SLC22A23: variants seen among roughly 807,000 people sequenced by gnomAD.
SLC22A23 encodes the protein solute carrier family 22 member 23.
Under a neutral mutation model 61.0 loss-of-function variants are expected in SLC22A23, and 26 were observed. The observed-to-expected ratio is 0.43, with a 90% CI of 0.31 to 0.59. SLC22A23 has a LOEUF of 0.59. SLC22A23 is among the 20% of genes least tolerant of loss of function. SLC22A23 has a pLI of 0.11. For missense variants in SLC22A23, 796 were observed against 934.7 expected (o/e 0.85, Z 1.94); for synonymous variants, 430 against 413.9 (o/e 1.04, Z -0.47).
intron 3 of SLC22A23, among the ~76,000 whole-genome samples, chr6:3,365,816 C>T (rs565899769): frequency 2.0e-5 from 3 of 152,126 alleles, no homozygotes; most frequent in Non-Finnish European, 2.9e-5. Context: ...CTTAAGTCTA[C>T]TGGAAACAGC....
chr6:3,291,782 A>G (rs1359401745), intron 5 of SLC22A23: 1 of 152,258 alleles, frequency 6.6e-6, no homozygotes, highest in Admixed American at 6.5e-5. Flanking sequence ...TGTAATAGCT[A>G]CGTTTTCTCA....
chr6:3,378,511 T>C (rs932754696), intron 3 of SLC22A23, among the ~76,000 whole-genome samples: 2 of 152,186 alleles, frequency 1.3e-5, no homozygotes, highest in African/African-American at 4.8e-5. Flanking sequence ...GTGGTTCTTA[T>C]CTGTCGACTG....
intron 4 of SLC22A23, among the ~76,000 whole-genome samples, chr6:3,319,295 A>G (rs1259376068): frequency 6.6e-6 from 1 of 152,164 alleles, no homozygotes; most frequent in Non-Finnish European, 1.5e-5. Flanking sequence ...AGCAGAAGCC[A>G]ACTTTTGCCT....
Position 3,331,650 on chromosome 6 carries a change from A to G in SLC22A23, c.914-7648T>C, listed in dbSNP as rs7763032. ...TTTTTTCTTTAAAACTAACATTATA[A>G]TGACTCAAATGAGGAACAGGGATTT... On this transcript the variant is annotated intron_variant, in intron 3 of 9. Transcript: ENST00000406686. Among the ~76,000 whole-genome samples the G allele has an allele frequency of 7.3e-3, 1,113 of 152,374 alleles. 12 individuals are homozygous for G. The highest frequency in any genetic ancestry group is 0.025 in the African/African-American group (1,053 of 41,594).
chr6:3,377,264 G>C (rs931084717), intron 3 of SLC22A23, among the ~76,000 whole-genome samples: 25 of 152,218 alleles, frequency 1.6e-4, no homozygotes, highest in African/African-American at 5.5e-4. Context: ...AAAGTTTGCT[G>C]AGCCCTAGTC....
In SLC22A23 at chr6:3,327,583, C is replaced by T. The variant is rs1386365180; in HGVS notation, c.914-3581G>A. 6.6e-6 allele frequency among the ~76,000 whole-genome samples: 1 copy of T among 152,214 alleles called. No homozygotes were observed. Among genetic ancestry groups the T allele is most frequent in the Non-Finnish European group, 1.5e-5 (1 of 68,042 alleles). ...CCAAGTTCAAATCCTGCTCCTGGTACATAGAAGCTGTGACCTTGGTTCAGT... is the reference window on the plus strand; with the variant it reads ...CCAAGTTCAAATCCTGCTCCTGGTATATAGAAGCTGTGACCTTGGTTCAGT... On this transcript the variant is annotated intron_variant, in intron 3 of 9. Coordinates refer to ENST00000406686, the MANE Select transcript of SLC22A23 (RefSeq NM_015482.2). The surrounding 1 kb of genome is among the most constrained non-coding windows in gnomAD (Gnocchi z 4.1).
Position 3,448,198 on chromosome 6 carries a change from C to T in SLC22A23, c.654+7708G>A, listed in dbSNP as rs147188915. 4.6e-4 allele frequency among the ~76,000 whole-genome samples: 70 copies of T among 152,044 alleles called. No individual in the cohort carries two copies. In the East Asian group the frequency reaches 0.012, roughly 25 times the overall value. On this transcript the variant is annotated intron_variant, in intron 1 of 9. Coordinates refer to ENST00000406686, the MANE Select transcript of SLC22A23 (RefSeq NM_015482.2). ...GATTACAGGCGTGAGCCACCGCGCCCGGCCAAAAAAATTTTTTCAAGTGGT... is the reference window on the plus strand; with the variant it reads ...GATTACAGGCGTGAGCCACCGCGCCTGGCCAAAAAAATTTTTTCAAGTGGT...
intron 1 of SLC22A23, among the ~76,000 whole-genome samples, chr6:3,434,042 C>G (rs1300382914): frequency 6.6e-6 from 1 of 152,202 alleles, no homozygotes; most frequent in Non-Finnish European, 1.5e-5. Context: ...AAGCTGGGTA[C>G]AGTGGCTCAC....
intron 3 of SLC22A23, among the ~76,000 whole-genome samples, chr6:3,356,364 T>G (rs1452298439): frequency 1.3e-5 from 2 of 151,666 alleles, no homozygotes; most frequent in Non-Finnish European, 2.9e-5. Context: ...CCACCCTCGG[T>G]GCCTACAAGG....
At chr6:3,420,362 A>G (rs1399074916) in intron 1 of SLC22A23, among the ~76,000 whole-genome samples, 8 of 152,222 alleles carry the variant, frequency 5.3e-5, no homozygotes. Context: ...GAGTGGAGAA[A>G]CATTCATCAA....
In SLC22A23 at chr6:3,364,452, T is replaced by TA. The variant is rs141938467; in HGVS notation, c.914-40451dup. Among the ~76,000 whole-genome samples the TA allele has an allele frequency of 2.4e-3, 368 of 151,642 alleles. 8 individuals are homozygous for TA. In the East Asian group the frequency reaches 0.055, roughly 23 times the overall value. ...AGATTTTTTATATTTGTTCCCTCCT[T>TA]AAAAAAAAATTCATTCCCTTCTTTA... is the stretch of plus-strand genomic sequence containing the variant. On this transcript the variant is annotated intron_variant, in intron 3 of 9. Coordinates refer to ENST00000406686, the MANE Select transcript of SLC22A23 (RefSeq NM_015482.2).
Position 3,410,530 on chromosome 6 carries a change from C to G in SLC22A23, c.759-188G>C, listed in dbSNP as rs1769152044. On this transcript the variant is annotated intron_variant, in intron 2 of 9. Transcript: ENST00000406686. This position sits in a 1 kb window ranked among gnomAD's most constrained non-coding sequence, Gnocchi z 5.0. ...GGGTAAAAAGGGAGATTTAGCCCAA[C>G]CCCCTAATTCTCGAGATAAGGGAGC... 6.6e-6 allele frequency among the ~76,000 whole-genome samples: 1 copy of G among 152,120 alleles called. No individual in the cohort carries two copies. Among genetic ancestry groups the G allele is most frequent in the Non-Finnish European group, 1.5e-5 (1 of 68,024 alleles).
chr6:3,420,211 C>A (rs1770022437), intron 1 of SLC22A23, among the ~76,000 whole-genome samples: 2 of 143,062 alleles, frequency 1.4e-5, no homozygotes, highest in South Asian at 4.4e-4. Flanking sequence ...ACGTTAGTTG[C>A]TATGTGTTCT....
chr6:3,424,968 GAGGGGC>G (rs1005801585), intron 1 of SLC22A23, among the ~76,000 whole-genome samples: 1 of 152,194 alleles, frequency 6.6e-6, no homozygotes, highest in Admixed American at 6.5e-5. Flanking sequence ...CAGAATGAGG[GAGGGGC>G]AGAGTGTTAA....
chr6:3,456,035 G>A lies in SLC22A23; in HGVS notation c.525C>T (p.Ser175=), dbSNP rs1772386982. 6 of 1,547,820 alleles carry A rather than the reference G, an allele frequency of 3.9e-6. No individual in the cohort carries two copies. Among genetic ancestry groups the A allele is most frequent in the East Asian group, 4.9e-5 (2 of 40,942 alleles). The change falls in exon 1 of 10, where the codon AGC becomes AGT. Residue 175 remains serine, a synonymous_variant. Transcript: ENST00000406686. This position sits in a 1 kb window ranked among gnomAD's most constrained non-coding sequence, Gnocchi z 7.1. ...WEAAGNRSNS[S]GADGGDTPPL... Reference sequence around the variant, plus strand: ...GTGGTGTGTCGCCTCCGTCCGCGCCGCTGCTGTTGCTCCGGTTGCCCGCAG... The same window carrying A: ...GTGGTGTGTCGCCTCCGTCCGCGCCACTGCTGTTGCTCCGGTTGCCCGCAG...
intron 9 of SLC22A23, chr6:3,283,565 C>G (rs968636289): frequency 1.5e-5 from 6 of 400,198 alleles, no homozygotes; most frequent in Non-Finnish European, 2.9e-5. Flanking sequence ...TGCACTCCCC[C>G]CCTTGCCAGA....
chr6:3,289,663 C>G (rs1477897950), intron 6 of SLC22A23, 101 bp downstream of exon 6: 1 of 932,778 alleles, frequency 1.1e-6, no homozygotes, highest in Non-Finnish European at 1.6e-6. Flanking sequence ...CTTAGGATTC[C>G]AAGTTCAGCG....
rs1748899442 is a variant in SLC22A23, at chr6:3,386,399, C to A, written c.913+23789G>T. 6.6e-6 allele frequency among the ~76,000 whole-genome samples: 1 copy of A among 152,198 alleles called. No individual in the cohort carries two copies. Among genetic ancestry groups the A allele is most frequent in the South Asian group, 2.1e-4 (1 of 4,832 alleles). On this transcript the variant is annotated intron_variant, in intron 3 of 9. Transcript: ENST00000406686. The surrounding 1 kb of genome is among the most constrained non-coding windows in gnomAD (Gnocchi z 4.4). ...GCTCTGTGTACGCCACACGCACAACCAGCCCTGGGGTCCCTGGATGTGGCA... is the reference window on the plus strand; with the variant it reads ...GCTCTGTGTACGCCACACGCACAACAAGCCCTGGGGTCCCTGGATGTGGCA...
intron 3 of SLC22A23, among the ~76,000 whole-genome samples, chr6:3,336,373 C>T (rs1244038716): frequency 6.6e-6 from 1 of 152,188 alleles, no homozygotes; most frequent in Non-Finnish European, 1.5e-5. Flanking sequence ...CCCTTTAATC[C>T]ATCTGACATC....
Sources: allele counts gnomAD v4.1 joint callset (sites outside exome capture counted in the v4.1 genomes callset), GRCh38; gene constraint gnomAD v4.1.1; non-coding constraint Gnocchi (gnomAD v3.1); transcripts MANE v1.5; gene names NCBI Gene and HGNC (gene_info 2026-07-23, HGNC 2026-07-21).